MROH2B: variants seen among roughly 807,000 people sequenced by gnomAD.
MROH2B encodes maestro heat like repeat family member 2B.
MROH2B carries 177 observed loss-of-function variants against 208.6 expected under a neutral mutation model. That is an observed-to-expected ratio of 0.85 (90% CI 0.75 to 0.96). The LOEUF (loss-of-function observed/expected upper bound fraction) is 0.96, where lower values mean the gene tolerates loss of function less well. Among genes scored for constraint, MROH2B ranks in the 40% least tolerant of loss-of-function variants. The pLI is 0.00. For synonymous variants in MROH2B, 728 were observed against 659.0 expected (o/e 1.10, Z -1.60); for missense variants, 2,002 against 1,878.7 (o/e 1.07, Z -1.21).
At chr5:41,061,317 A>G (rs1743629804) in intron 6 of MROH2B, among the ~76,000 whole-genome samples, 1 of 152,122 alleles carries the variant, frequency 6.6e-6, no homozygotes, top group South Asian at 2.1e-4. Context: ...ATTTTGGTTT[A>G]TTTAATTCCT....
At chr5:41,054,862 T>C (rs1198384786) in intron 10 of MROH2B, 22 bp from the exon 11 acceptor site, 2 of 1,553,216 alleles carry the variant, frequency 1.3e-6, no homozygotes, top group East Asian at 2.3e-5. Context: ...AGGGAGAAAT[T>C]GAGAGGCCTG....
At chr5:41,024,972 G>C (rs1377370641) in intron 24 of MROH2B, among the ~76,000 whole-genome samples, 4 of 152,168 alleles carry the variant, frequency 2.6e-5, no homozygotes, top group Admixed American at 2.6e-4. Context: ...AAATAAAGAT[G>C]TTCTTTGAAA....
Position 41,032,799 on chromosome 5 carries a change from A to G in MROH2B, c.2384T>C (p.Leu795Pro), listed in dbSNP as rs776224208. The change falls in exon 24 of 42, where the codon CTG becomes CCG. Residue 795 changes from leucine (L) to proline (P), a missense_variant. Physicochemically the swap from Leu to Pro is moderately conservative, Grantham distance 98 (BLOSUM62 -3). Transcript: ENST00000399564. ...YMLDFIRDEP[L>P]DSLASPIRWK... The stretch of plus-strand genomic sequence containing the variant: ...CCGAATAGGGCTAGCTAAGGAATCC[A>G]GGGGCTCGTCTCTAATGAAGTCCTG... 1 of 1,612,406 alleles carries G rather than the reference A, an allele frequency of 6.2e-7. No individual in the cohort carries two copies. The highest frequency in any genetic ancestry group is 8.5e-7 in the Non-Finnish European group (1 of 1,179,092).
intron 18 of MROH2B, among the ~76,000 whole-genome samples, chr5:41,045,070 C>T (rs908411834): frequency 2.0e-5 from 3 of 152,082 alleles, no homozygotes; most frequent in Non-Finnish European, 4.4e-5. Flanking sequence ...GGCTTCAAAC[C>T]CCATTTGGAA....
chr5:41,034,997 A>G (rs1742707872), intron 21 of MROH2B, among the ~76,000 whole-genome samples: 1 of 152,192 alleles, frequency 6.6e-6, no homozygotes, highest in African/African-American at 2.4e-5. Context: ...AGGAAGAATC[A>G]ATATTGTTAG....
chr5:41,027,827 G>T (rs1450988311), intron 24 of MROH2B, among the ~76,000 whole-genome samples: 1 of 152,142 alleles, frequency 6.6e-6, no homozygotes, highest in African/African-American at 2.4e-5. Flanking sequence ...AGAAAATGTG[G>T]CACATATACA....
At chr5:41,016,505 T>TTTTG (rs1561280888) in intron 28 of MROH2B, among the ~76,000 whole-genome samples, 2 of 136,220 alleles carry the variant, frequency 1.5e-5, no homozygotes, top group Non-Finnish European at 3.2e-5. Flanking sequence ...AATGTTTTTT[T>TTTTG]TTTTTTTTTT....
At position 41,004,434 on chromosome 5, in the gene MROH2B, A is replaced by T. The variant is rs966790514; in HGVS notation, c.4106T>A (p.Leu1369Gln). 1 of 1,613,878 alleles carries T rather than the reference A, an allele frequency of 6.2e-7. No individual in the cohort carries two copies. Among genetic ancestry groups the T allele is most frequent in the African/African-American group, 1.3e-5 (1 of 74,936 alleles). ...TEVVCESLKA[L>Q]KKILELLTDR... Reference sequence around the variant, plus strand: ...TGTCAGCAGCTCCAGGATTTTTTTTAGAGCCTTCAAGCTTTCACAGACGAC... The same window carrying T: ...TGTCAGCAGCTCCAGGATTTTTTTTTGAGCCTTCAAGCTTTCACAGACGAC... Residue 1369 changes from leucine to glutamine, a missense_variant, in exon 37 of 42, where the codon CTA becomes CAA. Transcript: ENST00000399564.
intron 37 of MROH2B, 45 bp from the exon 38 acceptor site, chr5:41,000,878 C>T: frequency 1.2e-5 from 19 of 1,567,944 alleles, no homozygotes; most frequent in Non-Finnish European, 1.6e-5. Flanking sequence ...TCTCAGAGGC[C>T]ATTCCCTGCT....
intron 37 of MROH2B, among the ~76,000 whole-genome samples, chr5:41,002,521 T>C (rs1741428461): frequency 6.6e-6 from 1 of 152,208 alleles, no homozygotes; most frequent in Non-Finnish European, 1.5e-5. Flanking sequence ...ACTTGGAGAT[T>C]ATAGAAAGCT....
At chr5:41,062,199 A>G (rs1743663930) in intron 5 of MROH2B, among the ~76,000 whole-genome samples, 1 of 152,228 alleles carries the variant, frequency 6.6e-6, no homozygotes, top group Non-Finnish European at 1.5e-5. Flanking sequence ...CAAACAGAAT[A>G]TAGCATAAAT....
rs567720006 is a variant in MROH2B at position 41,030,388 on chromosome 5, T to A, written c.2441+2354A>T. 3.6e-3 allele frequency among the ~76,000 whole-genome samples: 544 copies of A among 151,604 alleles called. 5 individuals are homozygous for A. The highest frequency in any genetic ancestry group is 0.013 in the African/African-American group (528 of 41,358). ...CCCTTTTACAACAGCTGAAAAAAAATTAAATACCTAGAAATATACTTAACC... is the reference window on the plus strand; with the variant it reads ...CCCTTTTACAACAGCTGAAAAAAAAATAAATACCTAGAAATATACTTAACC... On this transcript the variant is annotated intron_variant, in intron 24 of 41. Transcript: ENST00000399564.
rs1180663040 is a variant in MROH2B at position 41,000,661 on chromosome 5, CTG to C, written c.4350+15_4350+16del. 3 of 1,602,600 alleles carry C rather than the reference CTG, an allele frequency of 1.9e-6. No individual in the cohort carries two copies. Among genetic ancestry groups the C allele is most frequent in the Middle Eastern group, 3.3e-4 (2 of 6,012 alleles). On this transcript the variant is annotated intron_variant, in intron 38 of 41. Transcript: ENST00000399564. The stretch of plus-strand genomic sequence containing the variant: ...TGGGGAGAGCAGGAGGTGCAGGTGT[CTG>C]TGGAGAGCACTTACAACTCCAATCT...
chr5:41,028,273 T>G (rs1742449508), intron 24 of MROH2B, among the ~76,000 whole-genome samples: 1 of 152,204 alleles, frequency 6.6e-6, no homozygotes, highest in Admixed American at 6.5e-5. Context: ...GTTTCTCTCC[T>G]GTCCACTCCC....
At chr5:41,046,621 T>G (rs1743127979) in intron 17 of MROH2B, among the ~76,000 whole-genome samples, 1 of 151,932 alleles carries the variant, frequency 6.6e-6, no homozygotes, top group South Asian at 2.1e-4. Context: ...TTTCGGAAAT[T>G]TAAGAGAAGA....
At chr5:41,064,893 T>G (rs531391661) in intron 4 of MROH2B, among the ~76,000 whole-genome samples, 228 of 152,322 alleles carry the variant, frequency 1.5e-3, no homozygotes, top group Non-Finnish European at 2.1e-3. Flanking sequence ...AGTTGGATAA[T>G]TAATTTATTA....
At position 41,018,763 on chromosome 5, in the gene MROH2B, G is replaced by C; in HGVS notation, c.2601C>G (p.Asp867Glu). ...TGGTCTTCAGAAGTTTTCCTAGGGC[G>C]TCCATGGATCGTTCATAGAGAAACT... ...HIQFLYERSM[D>E]ALGKLLKTMM... The change falls in exon 26 of 42, where the codon GAC becomes GAG. Residue 867 changes from aspartate to glutamate, a missense_variant. Asp to Glu is a conservative substitution (Grantham distance 45). Transcript: ENST00000399564. The C allele has an allele frequency of 6.2e-7, 1 of 1,613,848 alleles. No individual in the cohort carries two copies. Among genetic ancestry groups the C allele is most frequent in the Non-Finnish European group, 8.5e-7 (1 of 1,179,848 alleles).
intron 9 of MROH2B, among the ~76,000 whole-genome samples, chr5:41,056,719 C>A (rs1161379707): frequency 7.1e-6 from 1 of 141,648 alleles, no homozygotes; most frequent in African/African-American, 2.6e-5. Flanking sequence ...AAGAGATGAC[C>A]AGGAAGAGAA....
At chr5:41,037,941 T>A (rs6870367) in intron 21 of MROH2B, among the ~76,000 whole-genome samples, 2,580 of 152,256 alleles carry the variant, frequency 0.017, 79 homozygotes, top group African/African-American at 0.058. Flanking sequence ...AAGCAATTTA[T>A]TAAAGATACA....
Sources: allele counts gnomAD v4.1 joint callset (sites outside exome capture counted in the v4.1 genomes callset), GRCh38; gene constraint gnomAD v4.1.1; transcripts MANE v1.5; gene names NCBI Gene and HGNC (gene_info 2026-07-23, HGNC 2026-07-21).